Variants in ITGA6 observed in about 807,000 individuals in gnomAD.
The protein encoded by ITGA6 is integrin alpha-6.
ITGA6 carries 63 observed loss-of-function variants against 133.6 expected under a neutral mutation model. The observed-to-expected ratio is 0.47, with a 90% CI of 0.38 to 0.58. The LOEUF is 0.58. ITGA6 is among the 20% of genes least tolerant of loss of function. ITGA6 has a pLI of 0.00. For synonymous variants in ITGA6, 434 were observed against 482.0 expected (o/e 0.90, Z 1.30); for missense variants, 1,068 against 1,309.4 (o/e 0.82, Z 2.85).
Position 172,475,582 on chromosome 2 carries a change from T to A in ITGA6, c.1181-15T>A. The A allele has an allele frequency of 7.0e-7, 1 of 1,425,176 alleles. No homozygotes were observed. 88.3% of individuals were successfully genotyped at this position (1,425,176 alleles called of 1,614,324 possible). ...AAGCGTTTGTTAAAATGTTAAAATGTGATGTTGTCAACAGATATTGCAGTT... is the reference window on the plus strand; with the variant it reads ...AAGCGTTTGTTAAAATGTTAAAATGAGATGTTGTCAACAGATATTGCAGTT... On this transcript the variant is annotated splice_polypyrimidine_tract_variant and intron_variant, in intron 7 of 25. Transcript: ENST00000684293.
intron 3 of ITGA6, among the ~76,000 whole-genome samples, chr2:172,468,593 G>A (rs879915955): frequency 1.3e-5 from 2 of 152,116 alleles, no homozygotes; most frequent in African/African-American, 2.4e-5. Flanking sequence ...CATATTTTGG[G>A]AAATAATCTC....
chr2:172,460,443 A>T (rs941825170), intron 1 of ITGA6, among the ~76,000 whole-genome samples: 2 of 152,228 alleles, frequency 1.3e-5, no homozygotes, highest in Non-Finnish European at 2.9e-5. Flanking sequence ...AGAGGAACTA[A>T]ATCTAGTTAT....
intron 1 of ITGA6, among the ~76,000 whole-genome samples, chr2:172,437,771 G>GAAACCT (rs1326006314): frequency 1.3e-4 from 20 of 152,096 alleles, no homozygotes; most frequent in Admixed American, 2.0e-4. Flanking sequence ...ATGGAGGCCT[G>GAAACCT]AGCCCTATGG....
chr2:172,432,200 C>A (rs1684130766), intron 1 of ITGA6, among the ~76,000 whole-genome samples: 1 of 152,168 alleles, frequency 6.6e-6, no homozygotes, highest in Non-Finnish European at 1.5e-5. Context: ...GCTGAATCAG[C>A]CCATTTTAAG....
At chr2:172,500,922 A>G (rs969918218) in intron 24 of ITGA6, among the ~76,000 whole-genome samples, 4 of 152,208 alleles carry the variant, frequency 2.6e-5, no homozygotes, top group Non-Finnish European at 5.9e-5. Context: ...CATATATTGT[A>G]CAAAGTGAAT....
intron 1 of ITGA6, among the ~76,000 whole-genome samples, chr2:172,459,110 T>C (rs12464480): frequency 0.22 from 33,829 of 151,962 alleles, 4,013 homozygotes; most frequent in East Asian, 0.29. Flanking sequence ...CCACACACAA[T>C]AAAAAGAGTT....
chr2:172,441,491 G>A (rs1409905859), intron 1 of ITGA6, among the ~76,000 whole-genome samples: 1 of 142,926 alleles, frequency 7.0e-6, no homozygotes, highest in East Asian at 2.1e-4. Flanking sequence ...AGGAACTCAA[G>A]GTGAGAGTGA....
intron 1 of ITGA6, among the ~76,000 whole-genome samples, chr2:172,449,897 G>A (rs1399612557): frequency 1.4e-5 from 2 of 143,546 alleles, no homozygotes; most frequent in Admixed American, 1.4e-4. Flanking sequence ...CTCCAGCCTG[G>A]GCAATGAGAG....
chr2:172,453,293 G>A (rs917589603), intron 1 of ITGA6, among the ~76,000 whole-genome samples: 3 of 152,002 alleles, frequency 2.0e-5, no homozygotes, highest in Admixed American at 1.3e-4. Flanking sequence ...TCCGGAGGCC[G>A]AGGCAGGAGG....
intron 23 of ITGA6, among the ~76,000 whole-genome samples, chr2:172,494,988 G>A (rs1217416286): frequency 1.3e-5 from 2 of 152,060 alleles, no homozygotes; most frequent in East Asian, 1.9e-4. Context: ...CTTAAGATAC[G>A]GATCCTTTTA....
At chr2:172,430,822 C>A (rs6433357) in intron 1 of ITGA6, among the ~76,000 whole-genome samples, 42,224 of 151,840 alleles carry the variant, frequency 0.28, 6,946 homozygotes, top group East Asian at 0.68. Context: ...TGACTGAGGT[C>A]AGGGTCTGAG....
At position 172,501,772 on chromosome 2, in the gene ITGA6, T is replaced by C; in HGVS notation, c.3115T>C (p.Cys1039Arg). 1 of 1,612,174 alleles carries C rather than the reference T, an allele frequency of 6.2e-7. No homozygotes were observed. The highest frequency in any genetic ancestry group is 8.5e-7 in the Non-Finnish European group (1 of 1,179,438). The change falls in exon 25 of 26, where the codon TGT (cysteine) becomes CGT (arginine). Residue 1039 changes from cysteine to arginine, a missense_variant and splice_region_variant. This residue lies in a region of ITGA6 where 609 missense variants were observed against 707.2 expected (regional missense o/e 0.86). Transcript: ENST00000684293. The stretch of plus-strand genomic sequence containing the variant: ...GACTAAATACCTTGCTTCCTTGTAG[T>C]GTGGTTTCTTCAAGAGAAATAAGAA... ...LALLVFILWK[C>R]GFFKRNKKDH... is the part of the protein sequence containing the mutation.
At chr2:172,447,825 G>A (rs1684826811) in intron 1 of ITGA6, among the ~76,000 whole-genome samples, 1 of 151,976 alleles carries the variant, frequency 6.6e-6, no homozygotes, top group Non-Finnish European at 1.5e-5. Context: ...AGTTGAAATT[G>A]AGGGTTGTGA....
intron 11 of ITGA6, among the ~76,000 whole-genome samples, chr2:172,483,008 C>T (rs1349423492): frequency 2.6e-5 from 4 of 152,148 alleles, no homozygotes; most frequent in East Asian, 1.9e-4. Context: ...TCCTTGTCCT[C>T]GGCTTTGCCC....
intron 1 of ITGA6, among the ~76,000 whole-genome samples, chr2:172,445,051 T>A (rs796209002): frequency 6.6e-6 from 1 of 152,042 alleles, no homozygotes; most frequent in African/African-American, 2.4e-5. Context: ...CTGCAACCTC[T>A]GCCTCTCAGG....
chr2:172,463,148 A>T (rs1168313936), intron 1 of ITGA6, among the ~76,000 whole-genome samples: 1 of 152,070 alleles, frequency 6.6e-6, no homozygotes, highest in East Asian at 1.9e-4. Context: ...TTCCTTATTC[A>T]TCCTAGGAGG....
intron 23 of ITGA6, among the ~76,000 whole-genome samples, chr2:172,493,471 A>G (rs770183377): frequency 1.2e-4 from 19 of 152,254 alleles, no homozygotes; most frequent in Admixed American, 7.2e-4. Context: ...AGGGACTAAC[A>G]TTAATGAAGC....
At chr2:172,488,960 G>A (rs971270473) in intron 19 of ITGA6, among the ~76,000 whole-genome samples, 1 of 152,212 alleles carries the variant, frequency 6.6e-6, no homozygotes, top group African/African-American at 2.4e-5. Context: ...TACCTCCTGT[G>A]TTTGGCTTCT....
intron 1 of ITGA6, among the ~76,000 whole-genome samples, chr2:172,453,037 G>A (rs1329044846): frequency 6.6e-6 from 1 of 152,132 alleles, no homozygotes; most frequent in Non-Finnish European, 1.5e-5. Context: ...CACAGCATAG[G>A]GCAGAGCAGT....
Sources: gnomAD v4.1 joint callset for allele counts (sites outside exome capture counted in the v4.1 genomes callset) on GRCh38, gnomAD v4.1.1 for gene constraint, gnomAD v4.1.1 regional missense constraint, MANE v1.5 for transcripts, NCBI Gene and HGNC (gene_info 2026-07-23, HGNC 2026-07-21) for gene names.